The following FMNL2 variants were observed in gnomAD, a reference collection of about 807,000 sequenced individuals.
FMNL2 encodes the protein formin like 2, also known as formin-like protein 2.
Under a neutral mutation model 130.2 loss-of-function variants are expected in FMNL2, and 51 were observed. The ratio of observed to expected loss-of-function variants is 0.39; its 90% confidence interval spans 0.31 to 0.49. FMNL2 has a LOEUF of 0.49. Among genes scored for constraint, FMNL2 ranks in the 20% least tolerant of loss-of-function variants. The probability of loss-of-function intolerance (pLI) is 0.85; values close to 1 mark genes in which losing one functional copy is unlikely to be tolerated. For missense variants in FMNL2, 977 were observed against 1,316.2 expected (o/e 0.74, Z 3.99); for synonymous variants, 465 against 467.1 (o/e 1.00, Z 0.06).
At chr2:152,611,318 G>A (rs1430567032) in intron 10 of FMNL2, among the ~76,000 whole-genome samples, 177 bp from the exon 11 acceptor site, 2 of 152,058 alleles carry the variant, frequency 1.3e-5, no homozygotes, top group Non-Finnish European at 2.9e-5. Context: ...CAGTCTGGGC[G>A]ACAGAGCAAG....
chr2:152,550,222 A>T (rs150920663), intron 4 of FMNL2, among the ~76,000 whole-genome samples: 3 of 152,366 alleles, frequency 2.0e-5, no homozygotes, highest in East Asian at 3.9e-4. Flanking sequence ...TCAAATGGTT[A>T]ATTAGCATAG....
chr2:152,627,542 A>G (rs572153985), intron 17 of FMNL2, among the ~76,000 whole-genome samples: 27 of 152,340 alleles, frequency 1.8e-4, no homozygotes, highest in African/African-American at 6.0e-4. Flanking sequence ...CTGGTAGTCC[A>G]GTGCCTCCTA....
In FMNL2 at chr2:152,459,787, T is replaced by C. The variant is rs181748662; in HGVS notation, c.118-62156T>C. Among the ~76,000 whole-genome samples the C allele has an allele frequency of 6.9e-3, 1,052 of 152,258 alleles. 12 individuals carry two copies. The highest frequency in any genetic ancestry group is 0.024 in the African/African-American group (999 of 41,550). On this transcript the variant is annotated intron_variant, in intron 1 of 25. Transcript: ENST00000288670. ...GCATACTTTAAATGGGTGCTTTGTA[T>C]GGTATGTGAAATATATCTCAACAAA... is the stretch of plus-strand genomic sequence containing the variant.
intron 9 of FMNL2, among the ~76,000 whole-genome samples, chr2:152,587,375 C>G (rs10439306): frequency 0.54 from 81,689 of 151,954 alleles, 22,898 homozygotes; most frequent in Non-Finnish European, 0.63. Context: ...TGGGCTCATA[C>G]CATTGTAGTC....
At chr2:152,437,469 A>AC (rs996423001) in intron 1 of FMNL2, among the ~76,000 whole-genome samples, 129 of 151,618 alleles carry the variant, frequency 8.5e-4, no homozygotes, top group African/African-American at 2.8e-3. Context: ...ATAATAATGC[A>AC]CCCCCCCTGC....
At chr2:152,522,696 C>T (rs984568499) in intron 2 of FMNL2, among the ~76,000 whole-genome samples, 14 of 152,152 alleles carry the variant, frequency 9.2e-5, no homozygotes, top group Admixed American at 2.0e-4. Flanking sequence ...TTTCACCTTC[C>T]GCCATGATTG....
intron 1 of FMNL2, among the ~76,000 whole-genome samples, chr2:152,438,934 C>G: frequency 6.6e-6 from 1 of 152,004 alleles, no homozygotes; most frequent in East Asian, 1.9e-4. Flanking sequence ...TTCTAGTACC[C>G]GAGATTAGGA....
Position 152,337,934 on chromosome 2 carries a change from G to A in FMNL2, c.117+2214G>A, listed in dbSNP as rs550266459. Reference sequence around the variant, plus strand: ...TCCTTGTCCCAGGTCAGCTCCACTTGCTCTTTGACAATCTGTGAGAGGAGT... The same window carrying A: ...TCCTTGTCCCAGGTCAGCTCCACTTACTCTTTGACAATCTGTGAGAGGAGT... On this transcript the variant is annotated intron_variant, in intron 1 of 25. Transcript: ENST00000288670. Among the ~76,000 whole-genome samples, 8 of 151,974 alleles carry A rather than the reference G, an allele frequency of 5.3e-5. No homozygotes were observed. In the South Asian group the frequency reaches 1.0e-3, roughly 20 times the overall value.
At chr2:152,442,922 A>C (rs1688127521) in intron 1 of FMNL2, among the ~76,000 whole-genome samples, 1 of 152,172 alleles carries the variant, frequency 6.6e-6, no homozygotes, top group Non-Finnish European at 1.5e-5. Context: ...TTGCATTTCT[A>C]ACAAGTTCCC....
intron 1 of FMNL2, among the ~76,000 whole-genome samples, chr2:152,456,699 T>G (rs1211686432): frequency 6.6e-6 from 1 of 152,088 alleles, no homozygotes; most frequent in African/African-American, 2.4e-5. Context: ...ATCCCAGCAC[T>G]TTAGGAGACT....
chr2:152,519,218 C>T (rs904039998), intron 1 of FMNL2, among the ~76,000 whole-genome samples: 1 of 152,122 alleles, frequency 6.6e-6, no homozygotes, highest in Non-Finnish European at 1.5e-5. Context: ...TAAGACTACC[C>T]TCTGATAACC....
intron 21 of FMNL2, among the ~76,000 whole-genome samples, chr2:152,635,870 A>G (rs948656605): frequency 4.6e-5 from 7 of 152,248 alleles, no homozygotes; most frequent in African/African-American, 1.7e-4. Context: ...CTGGAGAGTC[A>G]GAGAAATGCA....
At chr2:152,533,341 C>G (rs1211171147) in intron 2 of FMNL2, among the ~76,000 whole-genome samples, 1 of 152,082 alleles carries the variant, frequency 6.6e-6, no homozygotes, top group East Asian at 1.9e-4. Flanking sequence ...CTAACTTTAC[C>G]TCCAACTGTT....
At chr2:152,596,917 G>A (rs955235993) in intron 9 of FMNL2, among the ~76,000 whole-genome samples, 2 of 152,158 alleles carry the variant, frequency 1.3e-5, no homozygotes, top group African/African-American at 2.4e-5. Context: ...ATCCGAAATC[G>A]TATCGATGAA....
chr2:152,552,531 A>G (rs1221536546), intron 4 of FMNL2, among the ~76,000 whole-genome samples: 1 of 152,228 alleles, frequency 6.6e-6, no homozygotes, highest in Non-Finnish European at 1.5e-5. Flanking sequence ...TTGTCAAGCA[A>G]AGGACTTCTT....
intron 1 of FMNL2, among the ~76,000 whole-genome samples, chr2:152,440,980 G>A (rs1273140910): frequency 6.6e-6 from 1 of 152,220 alleles, no homozygotes; most frequent in African/African-American, 2.4e-5. Context: ...CTTTTTCAAA[G>A]AAGGGGATGT....
intron 9 of FMNL2, among the ~76,000 whole-genome samples, chr2:152,589,999 A>ATATGTATGTATATG (rs1697331470): frequency 4.3e-5 from 5 of 115,938 alleles, no homozygotes; most frequent in African/African-American, 1.6e-4. Flanking sequence ...ATGTATATGT[A>ATATGTATGTATATG]TATATATATA....
chr2:152,590,028 C>CAT (rs1697342054), intron 9 of FMNL2, among the ~76,000 whole-genome samples: 2 of 83,184 alleles, frequency 2.4e-5, no homozygotes, highest in African/African-American at 8.5e-5. Flanking sequence ...TATATATATA[C>CAT]ATATACATAC....
chr2:152,545,130 T>C lies in FMNL2; in HGVS notation c.282+2311T>C, dbSNP rs1315964483. On this transcript the variant is annotated intron_variant, in intron 3 of 25. Coordinates refer to ENST00000288670, the MANE Select transcript of FMNL2 (RefSeq NM_052905.4). Reference sequence around the variant, plus strand: ...CCACCCCTGCTTTAGTAAGATTCTGTCAGGAGCTGGCAGGAGGAAATGATC... The same window carrying C: ...CCACCCCTGCTTTAGTAAGATTCTGCCAGGAGCTGGCAGGAGGAAATGATC... 2.0e-5 allele frequency among the ~76,000 whole-genome samples: 3 copies of C among 152,170 alleles called. No individual in the cohort carries two copies. The East Asian group carries it at 5.8e-4, about 29-fold the overall frequency.
Sources: gnomAD v4.1 joint callset for allele counts (sites outside exome capture counted in the v4.1 genomes callset) on GRCh38, gnomAD v4.1.1 for gene constraint, MANE v1.5 for transcripts, NCBI Gene and HGNC (gene_info 2026-07-23, HGNC 2026-07-21) for gene names.